Variants in CNTNAP2 observed in about 807,000 individuals in gnomAD.
The protein encoded by CNTNAP2 is contactin-associated protein-like 2.
CNTNAP2 carries 98 observed loss-of-function variants against 155.2 expected under a neutral mutation model. The ratio of observed to expected loss-of-function variants is 0.63; its 90% CI spans 0.54 to 0.75. CNTNAP2 has a LOEUF of 0.75. CNTNAP2 is among the 30% of genes least tolerant of loss of function. CNTNAP2 has a pLI of 0.00. For synonymous variants in CNTNAP2, 651 were observed against 631.2 expected, an observed-to-expected ratio of 1.03 and a Z score of -0.47; for missense variants, 1,727 against 1,688.1, an observed-to-expected ratio of 1.02 and a Z score of -0.40.
At chr7:148,091,043 A>G (rs1429172617) in intron 15 of CNTNAP2, among the ~76,000 whole-genome samples, 1 of 152,134 alleles carries the variant, frequency 6.6e-6, no homozygotes, top group African/African-American at 2.4e-5. Flanking sequence ...ACAAAGAGTA[A>G]AATAGTGGTT....
chr7:146,934,780 A>C (rs1333636504), intron 3 of CNTNAP2, among the ~76,000 whole-genome samples: 1 of 152,186 alleles, frequency 6.6e-6, no homozygotes, highest in East Asian at 1.9e-4. Flanking sequence ...GGGGACTTAC[A>C]TTAAATATAT....
chr7:146,570,974 C>G (rs1295649837), intron 1 of CNTNAP2, among the ~76,000 whole-genome samples: 2 of 151,994 alleles, frequency 1.3e-5, no homozygotes, highest in Admixed American at 1.3e-4. Context: ...GTTCCACTTA[C>G]CTAAAAATAA....
intron 1 of CNTNAP2, among the ~76,000 whole-genome samples, chr7:146,735,247 A>C: frequency 6.6e-6 from 1 of 152,172 alleles, no homozygotes; most frequent in East Asian, 1.9e-4. Context: ...GTTTTACATT[A>C]GAGCTTTTAA....
At chr7:146,156,612 A>ATT (rs141066684) in intron 1 of CNTNAP2, among the ~76,000 whole-genome samples, 3 of 151,512 alleles carry the variant, frequency 2.0e-5, no homozygotes, top group East Asian at 1.9e-4. Context: ...GCTTTACAGC[A>ATT]TTTTTTTTTA....
rs568224090 is a variant in CNTNAP2 at position 146,808,776 on chromosome 7, C to G, written c.209-30935C>G. Among the ~76,000 whole-genome samples the G allele has an allele frequency of 7.2e-5, 11 of 152,256 alleles. No individual in the cohort carries two copies. In the South Asian group the frequency reaches 2.3e-3, roughly 32 times the overall value. ...ATGACTTTGACAGTTTTAGATTCCA[C>G]TTATAAGTGAGATTGATTGTACAGT... On this transcript the variant is annotated intron_variant, in intron 2 of 23. Coordinates refer to ENST00000361727, the MANE Select transcript of CNTNAP2 (RefSeq NM_014141.6).
chr7:146,331,303 C>CAAA lies in CNTNAP2; in HGVS notation c.97+214342_97+214344dup, dbSNP rs771258929. ...TGGGCGACAGAGCGAGACTCCGTCT[C>CAAA]AAAAAAAAAAAAAATAAAAATAACC... On this transcript the variant is annotated intron_variant, in intron 1 of 23. Coordinates refer to ENST00000361727, the MANE Select transcript of CNTNAP2 (RefSeq NM_014141.6). Among the ~76,000 whole-genome samples, 20 of 58,920 alleles carry CAAA rather than the reference C, an allele frequency of 3.4e-4. 1 individual carries two copies. The highest frequency in any genetic ancestry group is 1.1e-3 in the East Asian group (2 of 1,898). 38.7% of individuals were successfully genotyped at this position (58,920 alleles called of 152,430 possible).
chr7:147,297,347 A>G (rs1416900765), intron 8 of CNTNAP2, among the ~76,000 whole-genome samples: 1 of 152,188 alleles, frequency 6.6e-6, no homozygotes, highest in South Asian at 2.1e-4. Flanking sequence ...AGAAGAAAAC[A>G]GACAAAAGAG....
chr7:148,052,014 C>T (rs1802901120), intron 15 of CNTNAP2, among the ~76,000 whole-genome samples: 1 of 152,060 alleles, frequency 6.6e-6, no homozygotes, highest in South Asian at 2.1e-4. Flanking sequence ...TGGCAGGTGC[C>T]TGTAGTCCCA....
intron 9 of CNTNAP2, among the ~76,000 whole-genome samples, chr7:147,369,328 C>T (rs377048012): frequency 6.0e-4 from 91 of 152,306 alleles, no homozygotes; most frequent in African/African-American, 2.2e-3. Flanking sequence ...TTCTCTGTCT[C>T]CCCCAAGCTA....
intron 10 of CNTNAP2, among the ~76,000 whole-genome samples, chr7:147,402,967 A>AAAAAAAAAC (rs1554480199): frequency 6.9e-6 from 1 of 145,870 alleles, no homozygotes. Context: ...AAAAAAAAAA[A>AAAAAAAAAC]AAAACTAGTT....
intron 13 of CNTNAP2, among the ~76,000 whole-genome samples, chr7:147,795,100 G>C (rs1034364954): frequency 2.0e-5 from 3 of 150,544 alleles, no homozygotes; most frequent in Non-Finnish European, 3.0e-5. Flanking sequence ...CTCCACTCTA[G>C]CTTTTATTAT....
At chr7:146,122,721 A>G (rs1443517662) in intron 1 of CNTNAP2, among the ~76,000 whole-genome samples, 1 of 152,216 alleles carries the variant, frequency 6.6e-6, no homozygotes, top group African/African-American at 2.4e-5. Flanking sequence ...AGAGATGCTT[A>G]GAATACCGTT....
chr7:147,454,276 A>C (rs1053171607), intron 10 of CNTNAP2, among the ~76,000 whole-genome samples: 1 of 152,092 alleles, frequency 6.6e-6, no homozygotes, highest in Non-Finnish European at 1.5e-5. Flanking sequence ...TTGGTTTTCC[A>C]ATCTTATATT....
At chr7:147,698,968 T>C (rs1254414374) in intron 13 of CNTNAP2, among the ~76,000 whole-genome samples, 1 of 152,128 alleles carries the variant, frequency 6.6e-6, no homozygotes, top group African/African-American at 2.4e-5. Context: ...GGGACAGATC[T>C]TTCTAAGAAG....
rs1346027488 is a variant in CNTNAP2, at chr7:147,903,641, C to A, written c.2175C>A (p.Ile725=). 6.2e-7 allele frequency: 1 copy of A among 1,614,114 alleles called. No individual in the cohort carries two copies. Among genetic ancestry groups the A allele is most frequent in the Non-Finnish European group, 8.5e-7 (1 of 1,180,012 alleles). Residue 725 remains isoleucine (I), a synonymous_variant, in exon 14 of 24, where the codon ATC becomes ATA. Coordinates refer to ENST00000361727, the MANE Select transcript of CNTNAP2 (RefSeq NM_014141.6). ...HYYWGGSGPG[I]QKCACGIERN... Reference sequence around the variant, plus strand: ...ACTGGGGAGGCTCTGGGCCTGGAATCCAGAAATGTGCCTGCGGCATCGAAC... The same window carrying A: ...ACTGGGGAGGCTCTGGGCCTGGAATACAGAAATGTGCCTGCGGCATCGAAC...
chr7:147,516,652 G>A lies in CNTNAP2; in HGVS notation c.1777+30611G>A, dbSNP rs117473835. Among the ~76,000 whole-genome samples, 66 of 150,756 alleles carry A rather than the reference G, an allele frequency of 4.4e-4. No individual in the cohort carries two copies. The East Asian group carries it at 0.011, about 24-fold the overall frequency. ...TGTGTGTGTGTGTGTGTGTTACTAG[G>A]ATTAGCTCTAGTTTTTAACATCATA... On this transcript the variant is annotated intron_variant, in intron 11 of 23. Transcript: ENST00000361727.
rs566011228 is a variant in CNTNAP2, at chr7:146,224,522, C to T, written c.97+107549C>T. 1.9e-4 allele frequency among the ~76,000 whole-genome samples: 28 copies of T among 150,042 alleles called. No homozygotes were observed. The South Asian group carries it at 5.7e-3, about 30-fold the overall frequency. On this transcript the variant is annotated intron_variant, in intron 1 of 23. Coordinates refer to ENST00000361727, the MANE Select transcript of CNTNAP2 (RefSeq NM_014141.6). ...CAGCACTTTGGGAGGCCGAGGCGGG[C>T]GGATCATGAGGTCAGGAGATTGAGA...
chr7:146,477,624 AACAC>A (rs1162610079), intron 1 of CNTNAP2, among the ~76,000 whole-genome samples: 20,346 of 131,296 alleles, frequency 0.15, 1,532 homozygotes, highest in African/African-American at 0.23. Flanking sequence ...TTCTTCAGCA[AACAC>A]ACACACACAC....
At chr7:146,283,842 A>G (rs879277807) in intron 1 of CNTNAP2, among the ~76,000 whole-genome samples, 3 of 152,116 alleles carry the variant, frequency 2.0e-5, no homozygotes, top group Non-Finnish European at 4.4e-5. Flanking sequence ...CTACACACCT[A>G]TTGTATTTGT....
Sources: allele counts gnomAD v4.1 joint callset (sites outside exome capture counted in the v4.1 genomes callset), GRCh38; gene constraint gnomAD v4.1.1; transcripts MANE v1.5; gene names NCBI Gene and HGNC (gene_info 2026-07-23, HGNC 2026-07-21).